The following BNC1 variants were observed in gnomAD, a reference collection of about 807,000 sequenced individuals.
The protein encoded by BNC1 is basonuclin zinc finger protein 1, also known as zinc finger protein basonuclin-1.
In BNC1, 8 loss-of-function variants were observed where a neutral mutation model predicts 66.5. That is an observed-to-expected ratio of 0.12 (90% confidence interval 0.07 to 0.22). The LOEUF is 0.22. BNC1 is among the 10% of genes least tolerant of loss of function. BNC1 has a pLI of 1.00. For synonymous variants in BNC1, 454 were observed against 452.6 expected, an observed-to-expected ratio of 1.00 and a Z score of -0.04; for missense variants, 1,069 against 1,241.3, an observed-to-expected ratio of 0.86 and a Z score of 2.09.
In BNC1 at chr15:83,264,071, T is replaced by C; in HGVS notation, c.1180A>G (p.Met394Val). Residue 394 changes from methionine to valine, a missense_variant, in exon 4 of 5, where the codon ATG becomes GTG. Around this residue, in one of 7 missense-constraint regions of BNC1, gnomAD observed 82 missense variants for 136.3 expected, o/e 0.60. Coordinates refer to ENST00000345382, the MANE Select transcript of BNC1 (RefSeq NM_001717.4). Reference sequence around the variant, plus strand: ...CGGCTCCTTAGGGAGCTGAACACCATGTTACACCCTTCGATGGTGCACTTA... The same window carrying C: ...CGGCTCCTTAGGGAGCTGAACACCACGTTACACCCTTCGATGGTGCACTTA... ...KHKCTIEGCN[M>V]VFSSLRSRNR... 1.2e-6 allele frequency: 2 copies of C among 1,614,210 alleles called. No homozygotes were observed. Among genetic ancestry groups the C allele is most frequent in the Non-Finnish European group, 1.7e-6 (2 of 1,180,040 alleles).
chr15:83,264,716 T>C lies in BNC1; in HGVS notation c.535A>G (p.Ile179Val), dbSNP rs777375591. The C allele has an allele frequency of 5.6e-6, 9 of 1,614,064 alleles. No homozygotes were observed. Among genetic ancestry groups the C allele is most frequent in the Middle Eastern group, 1.6e-4 (1 of 6,084 alleles). ...TCTTGAATTGCCATGAGTTCAACTA[T>C]AGATTTGGTCTCTCCAAAACGAAGG... The part of the protein sequence containing the change: ...QFLRFGETKS[I>V]VELMAIQEKE... Residue 179 changes from isoleucine to valine, a missense_variant, in exon 4 of 5, where the codon ATA becomes GTA. Physicochemically the swap from Ile to Val is conservative, Grantham distance 29. Coordinates refer to ENST00000345382, the MANE Select transcript of BNC1 (RefSeq NM_001717.4).
At chr15:83,267,213 A>T (rs2038226986) in intron 2 of BNC1, 142 bp from the exon 3 acceptor site, 2 of 642,152 alleles carry the variant, frequency 3.1e-6, no homozygotes, top group African/African-American at 3.7e-5. Flanking sequence ...AAATACCTTA[A>T]TAGCTATGAA....
At chr15:83,272,409 T>C (rs956951557) in intron 1 of BNC1, among the ~76,000 whole-genome samples, 2 of 149,812 alleles carry the variant, frequency 1.3e-5, no homozygotes, top group Non-Finnish European at 3.0e-5. Context: ...TTTTTTTTTT[T>C]GTATTTTTAG....
intron 1 of BNC1, among the ~76,000 whole-genome samples, chr15:83,271,681 A>C (rs1268416525): frequency 1.3e-5 from 2 of 152,214 alleles, no homozygotes; most frequent in Non-Finnish European, 2.9e-5. Flanking sequence ...GTGTGATCCT[A>C]AAATTTCTTT....
chr15:83,258,482 G>C (rs2038107909), intron 4 of BNC1, among the ~76,000 whole-genome samples: 1 of 152,154 alleles, frequency 6.6e-6, no homozygotes, highest in Non-Finnish European at 1.5e-5. Flanking sequence ...CTCCCAGGAA[G>C]CTTTCCTTAA....
chr15:83,264,652 G>T lies in BNC1; in HGVS notation c.599C>A (p.Ala200Glu). 1.1e-5 allele frequency: 17 copies of T among 1,614,172 alleles called. No homozygotes were observed. The highest frequency in any genetic ancestry group is 1.4e-5 in the Non-Finnish European group (17 of 1,180,030). The change falls in exon 4 of 5, where the codon GCA (alanine) becomes GAA (glutamate). Residue 200 changes from alanine to glutamate, a missense_variant. By Grantham distance (107) the Ala-to-Glu change is moderately radical. Coordinates refer to ENST00000345382, the MANE Select transcript of BNC1 (RefSeq NM_001717.4). ...EQSIIIPPST[A>E]NVDIRAFIES... Reference sequence around the variant, plus strand: ...GATGAAAGCCCTGATATCTACATTTGCTGTGGAAGGTGGTATGATGATGGA... The same window carrying T: ...GATGAAAGCCCTGATATCTACATTTTCTGTGGAAGGTGGTATGATGATGGA...
intron 1 of BNC1, chr15:83,283,254 G>A: frequency 1.3e-6 from 2 of 1,535,120 alleles, no homozygotes; most frequent in South Asian, 1.2e-5. Context: ...ATTAATATCA[G>A]ATCTCCTTCA....
intron 1 of BNC1, 29 bp downstream of exon 1, chr15:83,284,501 C>A: frequency 1.7e-6 from 2 of 1,196,806 alleles, no homozygotes; most frequent in Admixed American, 3.8e-5. Flanking sequence ...ACAGAGAATC[C>A]CCGCGCCCGC....
At position 83,266,938 on chromosome 15, in the gene BNC1, T is replaced by G. The variant is rs773364564; in HGVS notation, c.333A>C (p.Leu111=). Residue 111 remains leucine (L), a synonymous_variant, in exon 3 of 5, where the codon CTA becomes CTC. Coordinates refer to ENST00000345382, the MANE Select transcript of BNC1 (RefSeq NM_001717.4). ...TQAIPVRLKI[L]LDRLFSVLKQ... ...TCAACACACTGAAGAGCCGGTCCAGTAGGATTTTTAGGCGAACGGGGATGG... is the reference window on the plus strand; with the variant it reads ...TCAACACACTGAAGAGCCGGTCCAGGAGGATTTTTAGGCGAACGGGGATGG... The G allele has an allele frequency of 1.2e-6, 2 of 1,614,140 alleles. No homozygotes were observed.
chr15:83,283,465 T>G, intron 1 of BNC1: 7 of 1,195,520 alleles, frequency 5.9e-6, no homozygotes, highest in Non-Finnish European at 6.2e-6. Context: ...GACGGGGCGC[T>G]CCCGAGACGG....
At position 83,281,182 on chromosome 15, in the gene BNC1, G is replaced by A. The variant is rs147200597; in HGVS notation, c.99+3348C>T. Among the ~76,000 whole-genome samples the A allele has an allele frequency of 1.2e-3, 184 of 152,228 alleles. 1 individual carries two copies. The highest frequency in any genetic ancestry group is 1.0e-3 in the African/African-American group (42 of 41,530). ...AGAAATGGTGCCACAGTGGAAGCTTGGAATTTCCAGAATTAGGAAAAGGAC... is the reference window on the plus strand; with the variant it reads ...AGAAATGGTGCCACAGTGGAAGCTTAGAATTTCCAGAATTAGGAAAAGGAC... On this transcript the variant is annotated intron_variant, in intron 1 of 4. Transcript: ENST00000345382.
At position 83,264,217 on chromosome 15, in the gene BNC1, G is replaced by A. The variant is rs759435203; in HGVS notation, c.1034C>T (p.Pro345Leu). The change falls in exon 4 of 5, where the codon CCT becomes CTT. Residue 345 changes from proline (P) to leucine (L), a missense_variant. Physicochemically the swap from Pro to Leu is moderately conservative, Grantham distance 98 (BLOSUM62 -3). Transcript: ENST00000345382. ...CTTTGTACCAAGGCTATTCCTCTCAGGCTTCACTTTGGCCTCAGGGGATAA... is the reference window on the plus strand; with the variant it reads ...CTTTGTACCAAGGCTATTCCTCTCAAGCTTCACTTTGGCCTCAGGGGATAA... The part of the protein sequence containing the change: ...TQLSPEAKVK[P>L]ERNSLGTKKG... 6.2e-7 allele frequency: 1 copy of A among 1,614,192 alleles called. No homozygotes were observed.
intron 1 of BNC1, chr15:83,283,469 G>A (rs1161799958): frequency 1.7e-6 from 2 of 1,205,628 alleles, no homozygotes; most frequent in Non-Finnish European, 2.1e-6. Context: ...GGGCGCTCCC[G>A]AGACGGGCGA....
chr15:83,269,168 G>A (rs551663019), intron 1 of BNC1, among the ~76,000 whole-genome samples: 1 of 152,252 alleles, frequency 6.6e-6, no homozygotes, highest in East Asian at 1.9e-4. Flanking sequence ...AGGTTGCAGT[G>A]AGCCAAGATC....
rs1365782093 is a variant in BNC1 at position 83,263,068 on chromosome 15, G to T, written c.2183C>A (p.Thr728Asn). 6.2e-7 allele frequency: 1 copy of T among 1,614,128 alleles called. No individual in the cohort carries two copies. Among genetic ancestry groups the T allele is most frequent in the Admixed American group, 1.7e-5 (1 of 60,012 alleles). The change falls in exon 4 of 5, where the codon ACC becomes AAC. Residue 728 changes from threonine (T) to asparagine (N), a missense_variant. Coordinates refer to ENST00000345382, the MANE Select transcript of BNC1 (RefSeq NM_001717.4). ...TTTCACACTACAAGCATTTTTAAAGGTCTTCTTGCAGATGTCACACTGGAA... is the reference window on the plus strand; with the variant it reads ...TTTCACACTACAAGCATTTTTAAAGTTCTTCTTGCAGATGTCACACTGGAA... ...NRFQCDICKK[T>N]FKNACSVKIH... is the part of the protein sequence containing the mutation.
rs79318586 is a variant in BNC1 at position 83,267,705 on chromosome 15, G to A, written c.199+428C>T. On this transcript the variant is annotated intron_variant, in intron 2 of 4. Transcript: ENST00000345382. The stretch of plus-strand genomic sequence containing the variant: ...AAAAGATTCCCAGTTAAATCCAAAC[G>A]TAAATTTGAGATAAACAATGAATGG... 8.8e-3 allele frequency among the ~76,000 whole-genome samples: 1,337 copies of A among 152,202 alleles called. 21 individuals carry two copies. Among genetic ancestry groups the A allele is most frequent in the African/African-American group, 0.031 (1,301 of 41,506 alleles).
rs1362102603 is a variant in BNC1, at chr15:83,263,831, G to T, written c.1420C>A (p.Gln474Lys). 6.2e-7 allele frequency: 1 copy of T among 1,614,164 alleles called. No homozygotes were observed. The highest frequency in any genetic ancestry group is 2.2e-5 in the East Asian group (1 of 44,870). The change falls in exon 4 of 5, where the codon CAA becomes AAA. Residue 474 changes from glutamine to lysine, a missense_variant. By Grantham distance (53) the Gln-to-Lys change is moderately conservative. Coordinates refer to ENST00000345382, the MANE Select transcript of BNC1 (RefSeq NM_001717.4). ...KGQPAFPNIG[Q>K]NGVLFPNLKT... is the part of the protein sequence containing the mutation. ...AGGTTGGGAAAAAGCACACCATTTT[G>T]CCCAATGTTTGGGAAGGCTGGTTGG...
intron 1 of BNC1, among the ~76,000 whole-genome samples, chr15:83,275,650 T>A (rs546696241): frequency 6.6e-6 from 1 of 151,922 alleles, no homozygotes; most frequent in East Asian, 1.9e-4. Flanking sequence ...TGCCAAGGAG[T>A]TGGTCATGTG....
chr15:83,262,516 A>G (rs1434590434), intron 4 of BNC1, among the ~76,000 whole-genome samples: 1 of 151,734 alleles, frequency 6.6e-6, no homozygotes, highest in East Asian at 1.9e-4. Context: ...AAATCCACAC[A>G]AAAGGAGATT....
Sources: gnomAD v4.1 joint callset for allele counts (sites outside exome capture counted in the v4.1 genomes callset) on GRCh38, gnomAD v4.1.1 for gene constraint, gnomAD v4.1.1 regional missense constraint, MANE v1.5 for transcripts, NCBI Gene and HGNC (gene_info 2026-07-23, HGNC 2026-07-21) for gene names.